Variants in VPS54 observed in about 807,000 individuals in gnomAD.
VPS54 encodes the protein VPS54 subunit of GARP complex, also known as vacuolar protein sorting-associated protein 54.
VPS54 carries 45 observed loss-of-function variants against 121.5 expected under a neutral mutation model. That is an observed-to-expected ratio of 0.37 (90% CI 0.29 to 0.47). The LOEUF is 0.47. Among genes scored for constraint, VPS54 ranks in the 20% least tolerant of loss-of-function variants. The pLI is 0.99. For synonymous variants in VPS54, 371 were observed against 385.8 expected, an observed-to-expected ratio of 0.96 and a Z score of 0.45; for missense variants, 1,090 against 1,131.4, an observed-to-expected ratio of 0.96 and a Z score of 0.52.
chr2:63,962,551 A>T (rs1215279711), intron 6 of VPS54, 108 bp from the exon 7 acceptor site: 2 of 1,306,992 alleles, frequency 1.5e-6, no homozygotes, highest in African/African-American at 3.0e-5. Flanking sequence ...TTTAAATTCC[A>T]TTGTGTGAAT....
At chr2:64,005,507 C>T (rs1678102304) in intron 1 of VPS54, among the ~76,000 whole-genome samples, 1 of 152,262 alleles carries the variant, frequency 6.6e-6, no homozygotes, top group South Asian at 2.1e-4. Context: ...TATGAGAATA[C>T]CTGAGATTTC....
chr2:63,938,376 C>G (rs1354482041), intron 11 of VPS54, among the ~76,000 whole-genome samples: 1 of 152,050 alleles, frequency 6.6e-6, no homozygotes, highest in African/African-American at 2.4e-5. Context: ...TAGCCGAGGG[C>G]CCCTACATAG....
At chr2:63,964,131 C>T (rs1178735325) in intron 6 of VPS54, among the ~76,000 whole-genome samples, 2 of 152,130 alleles carry the variant, frequency 1.3e-5, no homozygotes, top group African/African-American at 4.8e-5. Flanking sequence ...TGTTGTCCAT[C>T]ATAAAAGGAG....
chr2:63,909,809 C>G (rs1414139260), intron 20 of VPS54, among the ~76,000 whole-genome samples: 2 of 150,562 alleles, frequency 1.3e-5, no homozygotes, highest in African/African-American at 2.4e-5. Flanking sequence ...ACTGCAACCT[C>G]TGCTTCCTGA....
chr2:63,985,363 G>T (rs1422930161), intron 1 of VPS54, among the ~76,000 whole-genome samples: 1 of 151,888 alleles, frequency 6.6e-6, no homozygotes. Context: ...GAGATATGAG[G>T]CAAGAACCCA....
intron 7 of VPS54, among the ~76,000 whole-genome samples, chr2:63,959,534 TAGAA>T (rs931356383): frequency 2.0e-5 from 3 of 151,966 alleles, no homozygotes; most frequent in Admixed American, 6.6e-5. Flanking sequence ...TAAAAAAAAA[TAGAA>T]AGATATTGAG....
At chr2:63,985,680 T>TATAC (rs1553482866) in intron 1 of VPS54, among the ~76,000 whole-genome samples, 1 of 145,040 alleles carries the variant, frequency 6.9e-6, no homozygotes, top group East Asian at 2.0e-4. Context: ...TGACAAATTA[T>TATAC]ACACACACAC....
At chr2:63,969,786 C>T (rs7560265) in intron 4 of VPS54, among the ~76,000 whole-genome samples, 113,629 of 152,104 alleles carry the variant, frequency 0.75, 44,014 homozygotes, top group African/African-American at 0.91. Flanking sequence ...GCTATCTTTT[C>T]AAGTTTTGGT....
intron 11 of VPS54, among the ~76,000 whole-genome samples, chr2:63,939,275 G>T (rs1674607804): frequency 6.6e-6 from 1 of 152,054 alleles, no homozygotes; most frequent in African/African-American, 2.4e-5. Flanking sequence ...AGGTGGCTGA[G>T]GCAAGATAAT....
At chr2:63,977,128 C>T (rs1019252466) in intron 3 of VPS54, among the ~76,000 whole-genome samples, 1 of 152,134 alleles carries the variant, frequency 6.6e-6, no homozygotes, top group Non-Finnish European at 1.5e-5. Flanking sequence ...CATGCCCAGC[C>T]TTCTCTTTTT....
intron 15 of VPS54, among the ~76,000 whole-genome samples, chr2:63,917,478 C>T (rs191629305): frequency 3.3e-5 from 5 of 151,966 alleles, no homozygotes; most frequent in Non-Finnish European, 4.4e-5. Context: ...TCAACCCAGA[C>T]GTTACTTTAT....
intron 1 of VPS54, among the ~76,000 whole-genome samples, chr2:63,991,080 C>T (rs1677295254): frequency 1.3e-5 from 2 of 152,160 alleles, no homozygotes; most frequent in Non-Finnish European, 2.9e-5. Context: ...AGCTCACAGG[C>T]TCCGATAGTT....
intron 3 of VPS54, among the ~76,000 whole-genome samples, chr2:63,974,024 AAACCC>A (rs1000949202): frequency 2.0e-5 from 3 of 152,234 alleles, no homozygotes; most frequent in Non-Finnish European, 4.4e-5. Context: ...AGCCATTACC[AAACCC>A]AAGGTTACCT....
intron 1 of VPS54, among the ~76,000 whole-genome samples, chr2:64,013,658 AT>A (rs1350882746): frequency 6.9e-6 from 1 of 145,822 alleles, no homozygotes; most frequent in African/African-American, 2.5e-5. Context: ...ATAGATATAT[AT>A]TGATATATAT....
intron 4 of VPS54, among the ~76,000 whole-genome samples, chr2:63,969,469 G>A (rs1676162876): frequency 6.6e-6 from 1 of 152,060 alleles, no homozygotes; most frequent in Non-Finnish European, 1.5e-5. Flanking sequence ...AATGTGAACT[G>A]CACATGTCAG....
Position 63,952,049 on chromosome 2 carries a change from G to A in VPS54, c.1011-2886C>T, listed in dbSNP as rs563522985. 4.6e-5 allele frequency among the ~76,000 whole-genome samples: 7 copies of A among 152,214 alleles called. No homozygotes were observed. The South Asian group carries it at 1.0e-3, about 23-fold the overall frequency. ...CAACAAACATTTGTGCCTACCCTGC[G>A]CTAGGCCCTGTTCTGGGTGCAAATA... On this transcript the variant is annotated intron_variant, in intron 7 of 22. Coordinates refer to ENST00000272322, the MANE Select transcript of VPS54 (RefSeq NM_016516.3).
At chr2:63,979,808 T>C (rs891057382) in intron 3 of VPS54, among the ~76,000 whole-genome samples, 7 of 152,236 alleles carry the variant, frequency 4.6e-5, no homozygotes, top group Non-Finnish European at 8.8e-5. Context: ...CATTATTAAT[T>C]TCTATTTTAA....
intron 1 of VPS54, among the ~76,000 whole-genome samples, chr2:64,004,497 CAGG>C (rs1678033287): frequency 6.6e-6 from 1 of 152,140 alleles, no homozygotes; most frequent in African/African-American, 2.4e-5. Context: ...TTACTGATAA[CAGG>C]AGGACAACCT....
intron 21 of VPS54, among the ~76,000 whole-genome samples, chr2:63,898,463 G>C (rs1672535080): frequency 6.6e-6 from 1 of 152,130 alleles, no homozygotes; most frequent in African/African-American, 2.4e-5. Flanking sequence ...CATGAGTTTG[G>C]TATGATTTAT....
Sources: gnomAD v4.1 joint callset for allele counts (sites outside exome capture counted in the v4.1 genomes callset) on GRCh38, gnomAD v4.1.1 for gene constraint, MANE v1.5 for transcripts, NCBI Gene and HGNC (gene_info 2026-07-23, HGNC 2026-07-21) for gene names.